COL12A1: variants seen among roughly 807,000 people sequenced by gnomAD.
COL12A1 encodes the protein collagen type XII alpha 1 chain.
COL12A1 carries 114 observed loss-of-function variants against 349.7 expected under a neutral mutation model. The observed-to-expected ratio is 0.33, with a 90% CI of 0.28 to 0.38. The LOEUF (loss-of-function observed/expected upper bound fraction) is 0.38. Ranked by LOEUF, COL12A1 falls within the 10% of genes least tolerant of loss-of-function variation. The pLI is 1.00. For missense variants in COL12A1, 3,284 were observed against 3,756.9 expected (o/e 0.87, Z 3.29); for synonymous variants, 1,369 against 1,329.0 (o/e 1.03, Z -0.66).
chr6:75,116,166 T>G, intron 47 of COL12A1, 109 bp from the exon 48 acceptor site: 1 of 1,041,030 alleles, frequency 9.6e-7, no homozygotes. Flanking sequence ...ACATTGTTCA[T>G]TTATTAAAAT....
At chr6:75,128,797 G>A (rs1329332297) in intron 37 of COL12A1, among the ~76,000 whole-genome samples, 2 of 152,122 alleles carry the variant, frequency 1.3e-5, no homozygotes, top group Admixed American at 1.3e-4. Context: ...CCATTTTCAT[G>A]TACAAATATG....
At chr6:75,096,282 G>T (rs1332971221) in intron 59 of COL12A1, among the ~76,000 whole-genome samples, 3 of 152,076 alleles carry the variant, frequency 2.0e-5, no homozygotes, top group African/African-American at 7.2e-5. Flanking sequence ...TAACATGAAA[G>T]TTTGCTGTGC....
intron 8 of COL12A1, among the ~76,000 whole-genome samples, chr6:75,184,390 A>G (rs1769496909): frequency 6.6e-6 from 1 of 152,192 alleles, no homozygotes; most frequent in South Asian, 2.1e-4. Flanking sequence ...GAAGAAATTA[A>G]TGTTGGGACA....
intron 14 of COL12A1, among the ~76,000 whole-genome samples, chr6:75,163,750 C>A (rs979591697): frequency 6.6e-6 from 1 of 152,172 alleles, no homozygotes; most frequent in Admixed American, 6.5e-5. Context: ...TTGAAAATTT[C>A]TTAGATGCTC....
Position 75,180,976 on chromosome 6 carries a change from G to T in COL12A1, c.2127C>A (p.Phe709Leu). 1 of 1,614,016 alleles carries T rather than the reference G, an allele frequency of 6.2e-7. No individual in the cohort carries two copies. The highest frequency in any genetic ancestry group is 8.5e-7 in the Non-Finnish European group (1 of 1,179,976). ...VNVTAEYEDGFSIPLAGEETT... is the reference protein window; with the variant it reads ...VNVTAEYEDGLSIPLAGEETT... The stretch of plus-strand genomic sequence containing the variant: ...TCTCCTCTCCAGCTAAGGGAATGCT[G>T]AAGCCATCCTCATACTCCGCAGTCA... Residue 709 changes from phenylalanine to leucine, a missense_variant, in exon 11 of 66, where the codon TTC becomes TTA. By Grantham distance (22) the Phe-to-Leu change is conservative. This residue lies in a region of COL12A1 where 2,601 missense variants were observed against 2,824.8 expected (regional missense o/e 0.92). Transcript: ENST00000322507.
chr6:75,134,002 A>G lies in COL12A1; in HGVS notation c.5525-5T>C. 2 of 1,611,498 alleles carry G rather than the reference A, an allele frequency of 1.2e-6. No individual in the cohort carries two copies. Among genetic ancestry groups the G allele is most frequent in the Non-Finnish European group, 1.7e-6 (2 of 1,178,676 alleles). Reference sequence around the variant, plus strand: ...TCCTTACAGTGTTTAGAGGTTCTGAAATGCACAGAAATCCCATCACAGTAT... The same window carrying G: ...TCCTTACAGTGTTTAGAGGTTCTGAGATGCACAGAAATCCCATCACAGTAT... On this transcript the variant is annotated splice_region_variant and splice_polypyrimidine_tract_variant and intron_variant, in intron 32 of 65. Coordinates refer to ENST00000322507, the MANE Select transcript of COL12A1 (RefSeq NM_004370.6).
At chr6:75,088,931 G>T (rs1387914503) in intron 64 of COL12A1, among the ~76,000 whole-genome samples, 175 bp downstream of exon 64, 1 of 151,786 alleles carries the variant, frequency 6.6e-6, no homozygotes, top group Non-Finnish European at 1.5e-5. Context: ...AACCCAGGAG[G>T]TGGAGCTTGC....
At position 75,148,434 on chromosome 6, in the gene COL12A1, C is replaced by A. The variant is rs1767311487; in HGVS notation, c.4211G>T (p.Ser1404Ile). Residue 1404 changes from serine to isoleucine, a missense_variant, in exon 22 of 66, where the codon AGC becomes ATC. Transcript: ENST00000322507. ...CACACTGTCAGAAGGTGGTGTCCAG[C>A]TCACTCTAAAAGAACGATGGGTTCG... is the stretch of plus-strand genomic sequence containing the variant. ...SERTHRSFRV[S>I]WTPPSDSVDR... is the part of the protein sequence containing the mutation. 4 of 1,613,436 alleles carry A rather than the reference C, an allele frequency of 2.5e-6. No homozygotes were observed. The highest frequency in any genetic ancestry group is 3.4e-6 in the Non-Finnish European group (4 of 1,179,620).
intron 13 of COL12A1, among the ~76,000 whole-genome samples, chr6:75,168,456 G>T (rs1330024660): frequency 6.6e-6 from 1 of 152,318 alleles, no homozygotes; most frequent in African/African-American, 2.4e-5. Context: ...TGGTCTTGGG[G>T]CCAGGTATGC....
chr6:75,085,350 T>C lies in COL12A1; in HGVS notation c.*1197A>G. 1 of 470,830 alleles carries C rather than the reference T, an allele frequency of 2.1e-6. No individual in the cohort carries two copies. Among genetic ancestry groups the C allele is most frequent in the Non-Finnish European group, 4.4e-6 (1 of 227,014 alleles). 29.2% of individuals were successfully genotyped at this position (470,830 alleles called of 1,614,324 possible). A position where few individuals can be genotyped will look rare whatever the true frequency, so the allele number is the denominator to read the frequency against. On this transcript the variant is annotated 3_prime_UTR_variant, in exon 66 of 66. Coordinates refer to ENST00000322507, the MANE Select transcript of COL12A1 (RefSeq NM_004370.6). ...GCGCTCAGGCAGGTAGGCCCCGCCC[T>C]CGGGCACGTAAGGCTCTGTCCGATT...
chr6:75,196,077 G>A (rs1770213578), intron 2 of COL12A1, among the ~76,000 whole-genome samples: 1 of 152,148 alleles, frequency 6.6e-6, no homozygotes, highest in Non-Finnish European at 1.5e-5. Flanking sequence ...ATTACACAAA[G>A]ACGTTTCCTA....
chr6:75,106,391 T>C (rs1238589220), intron 53 of COL12A1, 28 bp downstream of exon 53: 2 of 1,582,604 alleles, frequency 1.3e-6, no homozygotes, highest in Non-Finnish European at 1.7e-6. Flanking sequence ...GTTAAAGCCA[T>C]GGCAGAATTC....
intron 45 of COL12A1, 57 bp from the exon 46 acceptor site, chr6:75,119,243 C>A (rs1338612324): frequency 1.3e-5 from 21 of 1,612,128 alleles, no homozygotes; most frequent in Non-Finnish European, 1.7e-5. Flanking sequence ...TACCCAAATG[C>A]CATTAGTCAC....
At position 75,130,995 on chromosome 6, in the gene COL12A1, A is replaced by G; in HGVS notation, c.5938-14T>C. The G allele has an allele frequency of 6.2e-7, 1 of 1,614,044 alleles. No individual in the cohort carries two copies. Among genetic ancestry groups the G allele is most frequent in the Non-Finnish European group, 8.5e-7 (1 of 1,179,938 alleles). ...TGGCACTACTATCTGCAGGAGAGGAAATGCCAAATTCTGCCTGACAACAAC... is the reference window on the plus strand; with the variant it reads ...TGGCACTACTATCTGCAGGAGAGGAGATGCCAAATTCTGCCTGACAACAAC... On this transcript the variant is annotated splice_polypyrimidine_tract_variant and intron_variant, in intron 35 of 65. Transcript: ENST00000322507.
rs757745237 is a variant in COL12A1, at chr6:75,119,473, C to A, written c.7087G>T (p.Val2363Phe). The A allele has an allele frequency of 6.3e-7, 1 of 1,599,948 alleles. No individual in the cohort carries two copies. Among genetic ancestry groups the A allele is most frequent in the South Asian group, 1.1e-5 (1 of 88,504 alleles). Residue 2363 changes from valine to phenylalanine, a missense_variant and splice_region_variant, in exon 45 of 66, where the codon GTT becomes TTT. Coordinates refer to ENST00000322507, the MANE Select transcript of COL12A1 (RefSeq NM_004370.6). ...FDEISPAGIQ[V>F]SFVQYSDEVK... The stretch of plus-strand genomic sequence containing the variant: ...TCATCGCTGTATTGCACAAATGAAA[C>A]CTGAAGGAAAATGTGATTTGGCAGT...
At chr6:75,105,358 C>A in intron 53 of COL12A1, 66 bp from the exon 54 acceptor site, 1 of 1,095,980 alleles carries the variant, frequency 9.1e-7, no homozygotes, top group South Asian at 1.3e-5. Flanking sequence ...CATCCCCACC[C>A]CCACTTACAT....
intron 58 of COL12A1, among the ~76,000 whole-genome samples, chr6:75,098,905 A>G (rs1393492494): frequency 6.6e-6 from 1 of 151,916 alleles, no homozygotes; most frequent in Non-Finnish European, 1.5e-5. Context: ...GTGCCAAATG[A>G]CCTCTGCCTG....
At position 75,155,838 on chromosome 6, in the gene COL12A1, A is replaced by C. The variant is rs750401675; in HGVS notation, c.3267T>G (p.Ser1089=). ...GSGTTASRFK[S]PRNLKTSDPT... ...GGTCAGATGTTTTGAGGTTTCTAGGAGACTTAAACCGAGAAGCTGTAAAGA... is the reference window on the plus strand; with the variant it reads ...GGTCAGATGTTTTGAGGTTTCTAGGCGACTTAAACCGAGAAGCTGTAAAGA... The change falls in exon 16 of 66, where the codon TCT becomes TCG. Residue 1089 remains serine, a synonymous_variant. Coordinates refer to ENST00000322507, the MANE Select transcript of COL12A1 (RefSeq NM_004370.6). The C allele has an allele frequency of 1.2e-6, 2 of 1,601,164 alleles. No individual in the cohort carries two copies. The highest frequency in any genetic ancestry group is 8.5e-7 in the Non-Finnish European group (1 of 1,176,298).
chr6:75,119,017 G>T (rs368771399), intron 46 of COL12A1, 26 bp downstream of exon 46: 5 of 1,611,018 alleles, frequency 3.1e-6, no homozygotes, highest in Non-Finnish European at 4.2e-6. Context: ...AATTTCAAGT[G>T]CAATCAAATT....
Sources: gnomAD v4.1 joint callset for allele counts (sites outside exome capture counted in the v4.1 genomes callset) on GRCh38, gnomAD v4.1.1 for gene constraint, gnomAD v4.1.1 regional missense constraint, MANE v1.5 for transcripts, NCBI Gene and HGNC (gene_info 2026-07-23, HGNC 2026-07-21) for gene names.